The following DNM3 variants were observed in gnomAD, a reference collection of about 807,000 sequenced individuals.
The protein encoded by DNM3 is dynamin-3.
DNM3 carries 47 observed loss-of-function variants against 101.6 expected under a neutral mutation model. The ratio of observed to expected loss-of-function variants is 0.46; its 90% CI spans 0.37 to 0.59. The LOEUF (loss-of-function observed/expected upper bound fraction) is 0.59, where lower values mean the gene tolerates loss of function less well. Ranked by LOEUF, DNM3 falls within the 20% of genes least tolerant of loss-of-function variation. The pLI, the probability that DNM3 is intolerant of heterozygous loss-of-function variation, is 0.00. For synonymous variants in DNM3, 385 were observed against 387.9 expected (o/e 0.99, Z 0.09); for missense variants, 849 against 1,085.7 (o/e 0.78, Z 3.06).
chr1:171,845,189 G>A (rs1403100709), intron 1 of DNM3, among the ~76,000 whole-genome samples: 1 of 152,154 alleles, frequency 6.6e-6, no homozygotes, highest in Non-Finnish European at 1.5e-5. Flanking sequence ...CCATGTTGAG[G>A]TTTACCATTT....
At chr1:172,230,472 C>G (rs1162435049) in intron 14 of DNM3, among the ~76,000 whole-genome samples, 3 of 152,100 alleles carry the variant, frequency 2.0e-5, no homozygotes, top group Non-Finnish European at 4.4e-5. Context: ...ACTTGGTGCT[C>G]TATTGATTTC....
chr1:172,415,876 C>T (rs2071412259), downstream of DNM3, among the ~76,000 whole-genome samples: 1 of 152,040 alleles, frequency 6.6e-6, no homozygotes, highest in Admixed American at 6.6e-5. Context: ...TAAGGAAGAC[C>T]TCCTCAGAGA....
At chr1:171,919,397 A>G (rs2039979261) in intron 1 of DNM3, among the ~76,000 whole-genome samples, 1 of 152,156 alleles carries the variant, frequency 6.6e-6, no homozygotes, top group South Asian at 2.1e-4. Flanking sequence ...ATGAGTGAGA[A>G]CATGCGGTGT....
intron 8 of DNM3, among the ~76,000 whole-genome samples, chr1:172,043,007 A>G (rs796097888): frequency 2.8e-4 from 42 of 152,254 alleles, no homozygotes; most frequent in Admixed American, 8.5e-4. Flanking sequence ...ACAATTTTAC[A>G]GGCCCCCTTG....
At chr1:171,925,403 TG>T (rs1183128052) in intron 2 of DNM3, among the ~76,000 whole-genome samples, 4 of 152,104 alleles carry the variant, frequency 2.6e-5, no homozygotes, top group Non-Finnish European at 5.9e-5. Flanking sequence ...AATTTTTTTT[TG>T]TATTTTTAGT....
intron 11 of DNM3, among the ~76,000 whole-genome samples, chr1:172,070,950 C>T (rs906216635): frequency 1.8e-4 from 27 of 150,568 alleles, no homozygotes; most frequent in African/African-American, 6.4e-4. Flanking sequence ...TAGCTGGGCA[C>T]GGTGGCCTGC....
intron 14 of DNM3, among the ~76,000 whole-genome samples, chr1:172,191,949 A>T (rs2059741241): frequency 6.6e-6 from 1 of 152,092 alleles, no homozygotes; most frequent in Non-Finnish European, 1.5e-5. Context: ...ATATACCATC[A>T]TGTCATCTGC....
rs2060075263 is a variant in DNM3 at position 172,199,527 on chromosome 1, A to G, written c.1660-54046A>G. 2.0e-5 allele frequency among the ~76,000 whole-genome samples: 3 copies of G among 152,070 alleles called. 1 individual carries two copies. Among genetic ancestry groups the G allele is most frequent in the South Asian group, 2.1e-4 (1 of 4,826 alleles). On this transcript the variant is annotated intron_variant, in intron 14 of 20. Coordinates refer to ENST00000627582, the MANE Select transcript of DNM3 (RefSeq NM_015569.5). ...GGGAGTGTTGAAGTCTCTTCCTATT[A>G]TCATGTGGGAGTCTATGTCTCTTTG...
At position 172,221,323 on chromosome 1, in the gene DNM3, A is replaced by C. The variant is rs138879297; in HGVS notation, c.1660-32250A>C. Among the ~76,000 whole-genome samples the C allele has an allele frequency of 4.4e-3, 671 of 152,264 alleles. 2 individuals carry two copies. Among genetic ancestry groups the C allele is most frequent in the African/African-American group, 0.015 (632 of 41,576 alleles). Reference sequence around the variant, plus strand: ...GAGCTCTAGTTCTACCCTATCCCTCATTAGCCCTATGACTTCAGACAAATC... The same window carrying C: ...GAGCTCTAGTTCTACCCTATCCCTCCTTAGCCCTATGACTTCAGACAAATC... On this transcript the variant is annotated intron_variant, in intron 14 of 20. Transcript: ENST00000627582.
Position 172,250,659 on chromosome 1 carries a change from C to G in DNM3, c.1660-2914C>G, listed in dbSNP as rs191683851. Among the ~76,000 whole-genome samples, 77 of 152,020 alleles carry G rather than the reference C, an allele frequency of 5.1e-4. No individual in the cohort carries two copies. In the East Asian group the frequency reaches 9.5e-3, roughly 19 times the overall value. Reference sequence around the variant, plus strand: ...GGAACTAGGACAAACTCTTCAAACACGATGTGACAAAGTCTTGAAGTAATA... The same window carrying G: ...GGAACTAGGACAAACTCTTCAAACAGGATGTGACAAAGTCTTGAAGTAATA... On this transcript the variant is annotated intron_variant, in intron 14 of 20. Transcript: ENST00000627582.
Position 172,163,936 on chromosome 1 carries a change from T to TAC in DNM3, c.1659+32652_1659+32653dup, listed in dbSNP as rs1486126984. 4.8e-5 allele frequency among the ~76,000 whole-genome samples: 7 copies of TAC among 144,718 alleles called. No homozygotes were observed. In the East Asian group the frequency reaches 1.4e-3, roughly 29 times the overall value. 94.9% of individuals were successfully genotyped at this position (144,718 alleles called of 152,430 possible). On this transcript the variant is annotated intron_variant, in intron 14 of 20. Coordinates refer to ENST00000627582, the MANE Select transcript of DNM3 (RefSeq NM_015569.5). ...ATATGTATATATGCATGTGCATATA[T>TAC]ACACATGCATACATATATATACACA...
intron 1 of DNM3, among the ~76,000 whole-genome samples, chr1:171,883,889 A>T (rs1244318062): frequency 6.6e-6 from 1 of 152,196 alleles, no homozygotes; most frequent in Non-Finnish European, 1.5e-5. Flanking sequence ...AATGCAAAAC[A>T]TTTCCCAGTC....
intron 16 of DNM3, 120 bp downstream of exon 16, chr1:172,308,959 C>T (rs1211098690): frequency 2.0e-6 from 1 of 487,964 alleles, no homozygotes; most frequent in Non-Finnish European, 3.5e-6. Context: ...ATTAGTTACA[C>T]TTTTAGCTGA....
Position 172,048,687 on chromosome 1 carries a change from C to A in DNM3, c.1272C>A (p.Ser424=), listed in dbSNP as rs775578623. ...KKQIVKLKGP[S]LKSVDLVIQE... ...AGATTGTAAAGTTGAAAGGGCCTTC[C>A]TTGAAGAGTGTGGATCTGGTAATAC... Residue 424 remains serine (S), a synonymous_variant, in exon 10 of 21, where the codon TCC becomes TCA. Transcript: ENST00000627582. 4.3e-6 allele frequency: 7 copies of A among 1,613,610 alleles called. No individual in the cohort carries two copies. The highest frequency in any genetic ancestry group is 5.1e-6 in the Non-Finnish European group (6 of 1,179,678).
chr1:172,065,608 T>A lies in DNM3; in HGVS notation c.1336-3211T>A, dbSNP rs116647204. ...TGGAGAATGTTTCCAAAATGGGAAG[T>A]ATGAGCTCCATTTGTATCTTGCGGT... On this transcript the variant is annotated intron_variant, in intron 10 of 20. Transcript: ENST00000627582. Among the ~76,000 whole-genome samples, 1,052 of 152,266 alleles carry A rather than the reference T, an allele frequency of 6.9e-3. 19 individuals are homozygous for A. The highest frequency in any genetic ancestry group is 0.024 in the African/African-American group (991 of 41,556).
At chr1:171,882,773 C>G (rs1414667864) in intron 1 of DNM3, among the ~76,000 whole-genome samples, 1 of 151,900 alleles carries the variant, frequency 6.6e-6, no homozygotes, top group East Asian at 1.9e-4. Flanking sequence ...ATAGACCAAT[C>G]CTTTATTTTG....
chr1:172,221,386 A>G (rs1411874127), intron 14 of DNM3, among the ~76,000 whole-genome samples: 1 of 152,060 alleles, frequency 6.6e-6, no homozygotes, highest in African/African-American at 2.4e-5. Flanking sequence ...TCAACTGTGA[A>G]GAAGAGCTTA....
At chr1:172,208,281 T>G (rs1377031487) in intron 14 of DNM3, among the ~76,000 whole-genome samples, 2 of 152,118 alleles carry the variant, frequency 1.3e-5, no homozygotes, top group Non-Finnish European at 2.9e-5. Context: ...TCATGTATTT[T>G]TATCTAGATC....
rs1045707838 is a variant in DNM3, at chr1:172,053,273, A to T, written c.1335+4523A>T. Among the ~76,000 whole-genome samples, 4 of 151,792 alleles carry T rather than the reference A, an allele frequency of 2.6e-5. No homozygotes were observed. The East Asian group carries it at 5.8e-4, about 22-fold the overall frequency. ...CCTTCTTTTGACATTTGCATAAGTG[A>T]TTCCTTTTGTCTAGAATGTCTCACT... On this transcript the variant is annotated intron_variant, in intron 10 of 20. Coordinates refer to ENST00000627582, the MANE Select transcript of DNM3 (RefSeq NM_015569.5).
Sources: gnomAD v4.1 joint callset for allele counts (sites outside exome capture counted in the v4.1 genomes callset) on GRCh38, gnomAD v4.1.1 for gene constraint, MANE v1.5 for transcripts, NCBI Gene and HGNC (gene_info 2026-07-23, HGNC 2026-07-21) for gene names.